FAM162A: variants seen among roughly 807,000 people sequenced by gnomAD.
The protein encoded by FAM162A is family with sequence similarity 162 member A.
FAM162A carries 23 observed loss-of-function variants against 21.8 expected under a neutral mutation model. The ratio of observed to expected loss-of-function variants is 1.05; its 90% CI spans 0.76 to 1.49. The LOEUF is 1.49. Ranked by LOEUF, FAM162A falls within the 40% of genes most tolerant of loss-of-function variation. The pLI is 0.00. For missense variants in FAM162A, 165 were observed against 186.4 expected (o/e 0.89, Z 0.67); for synonymous variants, 53 against 61.3 (o/e 0.86, Z 0.64).
intron 1 of FAM162A, among the ~76,000 whole-genome samples, chr3:122,400,783 C>T (rs1008307433): frequency 1.1e-4 from 17 of 151,706 alleles, no homozygotes; most frequent in African/African-American, 3.9e-4. Flanking sequence ...GCCGAGATCG[C>T]GCCACTGCAC....
At position 122,408,843 on chromosome 3, in the gene FAM162A, G is replaced by C. The variant is rs187678621; in HGVS notation, c.373-896G>C. Among the ~76,000 whole-genome samples the C allele has an allele frequency of 5.8e-3, 881 of 152,182 alleles. 11 individuals are homozygous for C. Among genetic ancestry groups the C allele is most frequent in the Non-Finnish European group, 4.9e-3 (332 of 68,020 alleles). On this transcript the variant is annotated intron_variant, in intron 4 of 4. Coordinates refer to ENST00000477892, the MANE Select transcript of FAM162A (RefSeq NM_014367.4). ...CCAGGGGTATATGCTGTGTATTTTA[G>C]AGAGTTCTTCTCCTGTTCTTTACCA... is the stretch of plus-strand genomic sequence containing the variant.
At chr3:122,396,909 G>A (rs1027107641) in intron 1 of FAM162A, among the ~76,000 whole-genome samples, 9 of 145,658 alleles carry the variant, frequency 6.2e-5, no homozygotes, top group African/African-American at 2.3e-4. Flanking sequence ...AAAATGTCCA[G>A]AATATGTAAA....
intron 1 of FAM162A, among the ~76,000 whole-genome samples, chr3:122,397,881 A>G (rs970531867): frequency 2.6e-5 from 4 of 152,236 alleles, no homozygotes; most frequent in Admixed American, 6.5e-5. Context: ...GTCTCTAAAA[A>G]CATTTCTTTA....
At chr3:122,386,873 T>G (rs1173338518) in intron 1 of FAM162A, among the ~76,000 whole-genome samples, 3 of 152,212 alleles carry the variant, frequency 2.0e-5, no homozygotes, top group Non-Finnish European at 4.4e-5. Flanking sequence ...TCTCAAATTT[T>G]TATGATTGTA....
At chr3:122,393,548 G>A (rs1413802383) in intron 1 of FAM162A, among the ~76,000 whole-genome samples, 1 of 152,188 alleles carries the variant, frequency 6.6e-6, no homozygotes, top group African/African-American at 2.4e-5. Flanking sequence ...AAAACTTCCA[G>A]CTGCAGAGAA....
At chr3:122,384,353 G>C in intron 1 of FAM162A, 54 bp downstream of exon 1, 1 of 1,551,334 alleles carries the variant, frequency 6.4e-7, no homozygotes, top group Non-Finnish European at 8.7e-7. Context: ...GCCGCTGCGG[G>C]TGGGGGAATC....
chr3:122,405,093 G>C (rs1162785036), intron 3 of FAM162A, among the ~76,000 whole-genome samples: 1 of 152,196 alleles, frequency 6.6e-6, no homozygotes. Flanking sequence ...TCCCCTGGTT[G>C]AGAACCAGTG....
intron 1 of FAM162A, among the ~76,000 whole-genome samples, chr3:122,386,788 T>C (rs1334227033): frequency 3.9e-5 from 6 of 152,198 alleles, no homozygotes; most frequent in Admixed American, 1.3e-4. Context: ...GTTTTGTAGA[T>C]GTAGTTGTAG....
Position 122,398,944 on chromosome 3 carries a change from T to G in FAM162A, c.35-3816T>G, listed in dbSNP as rs147460459. Among the ~76,000 whole-genome samples, 303 of 152,298 alleles carry G rather than the reference T, an allele frequency of 2.0e-3. 1 individual carries two copies. The highest frequency in any genetic ancestry group is 7.1e-3 in the African/African-American group (297 of 41,570). On this transcript the variant is annotated intron_variant, in intron 1 of 4. Transcript: ENST00000477892. ...TAGGTTAAACGATATTTTTAAAATT[T>G]TTTAAGTTCAGGGCTACATGTGCAG...
rs1421008409 is a variant in FAM162A at position 122,410,486 on chromosome 3, C to T, written c.*655C>T. ...GAATTCTCAACTGGCTGTTTTCTTA[C>T]CACCTGAGAAACTAAATTTCTCAAT... On this transcript the variant is annotated 3_prime_UTR_variant, in exon 5 of 5. Transcript: ENST00000477892. 1.3e-5 allele frequency: 2 copies of T among 152,576 alleles called. No homozygotes were observed. The highest frequency in any genetic ancestry group is 2.4e-5 in the African/African-American group (1 of 41,432). The allele number at this position is 152,576 out of a possible 1,614,324, so 9.5% of individuals were successfully genotyped here. A position where few individuals can be genotyped will look rare whatever the true frequency, so the allele number is the denominator to read the frequency against.
rs1328180665 is a variant in FAM162A at position 122,388,677 on chromosome 3, AAAGAT to A, written c.34+4379_34+4383del. ...GTAAGGAGGCATTGAATCCTTGTAG[AAAGAT>A]GAGATCAGTCGAATCAAATGGCCAC... On this transcript the variant is annotated intron_variant, in intron 1 of 4. Coordinates refer to ENST00000477892, the MANE Select transcript of FAM162A (RefSeq NM_014367.4). Among the ~76,000 whole-genome samples the A allele has an allele frequency of 2.0e-5, 3 of 152,328 alleles. No homozygotes were observed. In the East Asian group the frequency reaches 5.8e-4, roughly 29 times the overall value.
At chr3:122,397,769 A>G (rs1576249951) in intron 1 of FAM162A, among the ~76,000 whole-genome samples, 3 of 152,192 alleles carry the variant, frequency 2.0e-5, no homozygotes, top group East Asian at 3.8e-4. Context: ...AATCAAAACT[A>G]ATGTCTTAAA....
chr3:122,394,990 A>G (rs1256768606), intron 1 of FAM162A, among the ~76,000 whole-genome samples: 1 of 152,198 alleles, frequency 6.6e-6, no homozygotes, highest in Non-Finnish European at 1.5e-5. Flanking sequence ...AACATCATTC[A>G]CCATGTTAAT....
chr3:122,394,438 T>C (rs1199142476), intron 1 of FAM162A, among the ~76,000 whole-genome samples: 2 of 152,188 alleles, frequency 1.3e-5, no homozygotes, highest in Non-Finnish European at 2.9e-5. Context: ...CTCCAGTTAC[T>C]AGCTGACCAC....
At chr3:122,398,893 G>A (rs1420048828) in intron 1 of FAM162A, among the ~76,000 whole-genome samples, 1 of 149,742 alleles carries the variant, frequency 6.7e-6, no homozygotes, top group African/African-American at 2.4e-5. Flanking sequence ...AAACAATCTA[G>A]TAAGGGGTAG....
chr3:122,402,751 C>CT lies in FAM162A; in HGVS notation c.35-3dup. 2 of 1,491,344 alleles carry CT rather than the reference C, an allele frequency of 1.3e-6. No individual in the cohort carries two copies. Among genetic ancestry groups the CT allele is most frequent in the Non-Finnish European group, 1.8e-6 (2 of 1,119,712 alleles). 92.4% of individuals were successfully genotyped at this position (1,491,344 alleles called of 1,614,324 possible). On this transcript the variant is annotated splice_polypyrimidine_tract_variant and intron_variant, in intron 1 of 4. Coordinates refer to ENST00000477892, the MANE Select transcript of FAM162A (RefSeq NM_014367.4). ...TTCTTTCTTTGAAACATTTTCCTCT[C>CT]TTTTTTAGGAAGCTGTTTTAGGTTA...
chr3:122,401,552 C>T (rs1218317709), intron 1 of FAM162A: 3 of 1,266,700 alleles, frequency 2.4e-6, no homozygotes, highest in Non-Finnish European at 3.1e-6. Flanking sequence ...GTATTTGTGC[C>T]TAATTTTTAT....
intron 1 of FAM162A, among the ~76,000 whole-genome samples, chr3:122,392,345 C>A (rs779308722): frequency 2.6e-5 from 4 of 152,114 alleles, no homozygotes; most frequent in Non-Finnish European, 5.9e-5. Flanking sequence ...TGAGATGGGG[C>A]CTTGTAGGTC....
At chr3:122,384,595 A>G (rs760180311) in intron 1 of FAM162A, among the ~76,000 whole-genome samples, 12 of 151,628 alleles carry the variant, frequency 7.9e-5, no homozygotes, top group Non-Finnish European at 1.8e-4. Context: ...CCCTGAGCTC[A>G]GTCTGTAAAG....
Sources: allele counts gnomAD v4.1 joint callset (sites outside exome capture counted in the v4.1 genomes callset), GRCh38; gene constraint gnomAD v4.1.1; transcripts MANE v1.5; gene names NCBI Gene and HGNC (gene_info 2026-07-23, HGNC 2026-07-21).